Variants in ACYP2 observed in about 807,000 individuals in gnomAD.
ACYP2 encodes acylphosphatase-2.
ACYP2 carries 12 observed loss-of-function variants against 11.2 expected under a neutral mutation model. That is an observed-to-expected ratio of 1.08 (90% CI 0.69 to 1.74). The LOEUF (loss-of-function observed/expected upper bound fraction) is 1.74. Among genes scored for constraint, ACYP2 ranks in the 40% most tolerant of loss-of-function variants. ACYP2 has a pLI of 0.00. For synonymous variants in ACYP2, 43 were observed against 32.2 expected, an observed-to-expected ratio of 1.33 and a Z score of -1.13; for missense variants, 134 against 101.9, an observed-to-expected ratio of 1.31 and a Z score of -1.35.
intron 2 of ACYP2, among the ~76,000 whole-genome samples, chr2:54,041,702 G>T (rs531798676): frequency 1.3e-5 from 2 of 152,292 alleles, no homozygotes; most frequent in South Asian, 4.1e-4. Flanking sequence ...GGAGCTGAGG[G>T]TACATGCAAC....
chr2:54,172,298 G>A (rs1031868743), intron 6 of ACYP2, among the ~76,000 whole-genome samples: 1 of 151,970 alleles, frequency 6.6e-6, no homozygotes, highest in Admixed American at 6.6e-5. Context: ...ATATATATTT[G>A]CTTGCAAAGA....
chr2:54,222,379 G>A (rs1229786096), intron 6 of ACYP2, among the ~76,000 whole-genome samples: 7 of 151,702 alleles, frequency 4.6e-5, no homozygotes, highest in East Asian at 1.9e-4. Flanking sequence ...GCAAAACCCC[G>A]TCTCTACTAA....
intron 2 of ACYP2, among the ~76,000 whole-genome samples, chr2:53,974,659 C>A (rs1435781241): frequency 6.6e-6 from 1 of 152,110 alleles, no homozygotes; most frequent in African/African-American, 2.4e-5. Context: ...GATTGTGTGA[C>A]ATACAGTATA....
At chr2:54,298,244 G>T (rs549277438) in intron 6 of ACYP2, among the ~76,000 whole-genome samples, 2 of 152,196 alleles carry the variant, frequency 1.3e-5, no homozygotes, top group East Asian at 3.9e-4. Context: ...TGTAGAAAAG[G>T]ATAAATTATT....
intron 4 of ACYP2, among the ~76,000 whole-genome samples, chr2:54,116,913 G>C (rs965547989): frequency 1.3e-5 from 2 of 152,134 alleles, no homozygotes; most frequent in African/African-American, 4.8e-5. Flanking sequence ...TAATTTGGCA[G>C]GAAGGGTGGT....
intron 4 of ACYP2, among the ~76,000 whole-genome samples, chr2:54,064,660 TTTAATC>T (rs1676647051): frequency 1.3e-5 from 2 of 152,206 alleles, no homozygotes; most frequent in Non-Finnish European, 2.9e-5. Context: ...TGCTAAGTGT[TTTAATC>T]TTAATTATAA....
At chr2:54,052,132 G>A (rs1675899857) in intron 3 of ACYP2, among the ~76,000 whole-genome samples, 1 of 152,046 alleles carries the variant, frequency 6.6e-6, no homozygotes, top group African/African-American at 2.4e-5. Context: ...GGAGGATGAA[G>A]ATGAAGAAGA....
chr2:54,258,306 CAAA>C (rs1165308508), intron 6 of ACYP2, among the ~76,000 whole-genome samples: 5 of 152,032 alleles, frequency 3.3e-5, no homozygotes, highest in Non-Finnish European at 7.3e-5. Context: ...GGCAAAGAGT[CAAA>C]GAAGTTGAGG....
At chr2:54,077,968 C>T (rs986640018) in intron 4 of ACYP2, among the ~76,000 whole-genome samples, 3 of 137,862 alleles carry the variant, frequency 2.2e-5, no homozygotes, top group Non-Finnish European at 4.7e-5. Flanking sequence ...TCTTTTCTTT[C>T]TTTCTTTTTT....
At chr2:54,257,961 C>A (rs1186570100) in intron 6 of ACYP2, among the ~76,000 whole-genome samples, 1 of 152,194 alleles carries the variant, frequency 6.6e-6, no homozygotes, top group Non-Finnish European at 1.5e-5. Context: ...CTTCAAGGAA[C>A]ACATAATCCA....
chr2:54,051,472 G>T (rs1675863488), intron 3 of ACYP2: 1 of 692,094 alleles, frequency 1.4e-6, no homozygotes. Flanking sequence ...GAAGTTTGAG[G>T]ATCCCAGTGC....
At chr2:54,207,216 A>ATGTG (rs1235254087) in intron 6 of ACYP2, among the ~76,000 whole-genome samples, 1 of 78,588 alleles carries the variant, frequency 1.3e-5, no homozygotes, top group Non-Finnish European at 3.1e-5. Flanking sequence ...TATAAAGAGA[A>ATGTG]TGTGAGGAAA....
intron 4 of ACYP2, among the ~76,000 whole-genome samples, chr2:54,080,981 G>T (rs1432026895): frequency 6.6e-6 from 1 of 152,168 alleles, no homozygotes; most frequent in African/African-American, 2.4e-5. Flanking sequence ...ATTTTGAACA[G>T]ATTTGTCAAA....
chr2:54,121,122 A>G (rs1361150401), intron 4 of ACYP2, among the ~76,000 whole-genome samples: 1 of 152,238 alleles, frequency 6.6e-6, no homozygotes, highest in Non-Finnish European at 1.5e-5. Context: ...GGAATGAGGT[A>G]CGCGGACACT....
intron 6 of ACYP2, among the ~76,000 whole-genome samples, chr2:54,269,324 G>A (rs754062451): frequency 3.9e-5 from 6 of 152,120 alleles, no homozygotes; most frequent in Non-Finnish European, 7.4e-5. Flanking sequence ...ATGGCAAAGA[G>A]GATACTGAAA....
chr2:54,117,374 C>T (rs1193137440), intron 4 of ACYP2, among the ~76,000 whole-genome samples: 2 of 152,174 alleles, frequency 1.3e-5, no homozygotes, highest in Non-Finnish European at 2.9e-5. Flanking sequence ...TAGCTCACTG[C>T]AGCCTGGAAC....
At chr2:54,276,807 G>T (rs1043408261) in intron 6 of ACYP2, among the ~76,000 whole-genome samples, 1 of 151,996 alleles carries the variant, frequency 6.6e-6, no homozygotes, top group Non-Finnish European at 1.5e-5. Context: ...ATTTCACGGG[G>T]TAACCACTAT....
At chr2:54,039,223 T>TA (rs1302584560) in intron 2 of ACYP2, among the ~76,000 whole-genome samples, 1 of 151,650 alleles carries the variant, frequency 6.6e-6, no homozygotes, top group Admixed American at 6.6e-5. Flanking sequence ...GGAAGTTTTT[T>TA]TTTTTTTTTT....
intron 2 of ACYP2, among the ~76,000 whole-genome samples, chr2:53,994,537 A>G (rs1672473688): frequency 6.7e-6 from 1 of 149,986 alleles, no homozygotes; most frequent in African/African-American, 2.4e-5. Flanking sequence ...AAAAAAGAGG[A>G]AACTGGCAGG....
Sources: allele counts gnomAD v4.1 joint callset (sites outside exome capture counted in the v4.1 genomes callset), GRCh38; gene constraint gnomAD v4.1.1; transcripts MANE v1.5; gene names NCBI Gene and HGNC (gene_info 2026-07-23, HGNC 2026-07-21).